The following STPG2 variants were observed in gnomAD, a reference collection of about 807,000 sequenced individuals.
STPG2 encodes sperm tail PG-rich repeat containing 2.
A neutral mutation model predicts 54.2 loss-of-function variants in STPG2; 56 were observed. That is an observed-to-expected ratio of 1.03 (90% CI 0.83 to 1.29). The LOEUF (loss-of-function observed/expected upper bound fraction) is 1.29. Among genes scored for constraint, STPG2 ranks in the 50% most tolerant of loss-of-function variants. STPG2 has a pLI of 0.00. For synonymous variants in STPG2, 200 were observed against 181.8 expected (o/e 1.10, Z -0.81); for missense variants, 596 against 544.9 (o/e 1.09, Z -0.93).
At chr4:97,898,611 T>G (rs958017149) in intron 8 of STPG2, among the ~76,000 whole-genome samples, 2 of 151,760 alleles carry the variant, frequency 1.3e-5, no homozygotes, top group African/African-American at 4.8e-5. Context: ...GTAACCATCA[T>G]CTAGCCCTTG....
At chr4:97,994,007 T>G (rs1735112497) in intron 5 of STPG2, among the ~76,000 whole-genome samples, 1 of 152,210 alleles carries the variant, frequency 6.6e-6, no homozygotes, top group African/African-American at 2.4e-5. Context: ...TAATGATCTA[T>G]TAATTTTATT....
intron 4 of STPG2, among the ~76,000 whole-genome samples, chr4:97,522,615 G>A (rs138358938): frequency 2.0e-4 from 30 of 151,980 alleles, no homozygotes; most frequent in Non-Finnish European, 4.1e-4. Flanking sequence ...AATTTTACTA[G>A]GTTAATCTGA....
chr4:97,522,072 A>G (rs1311991843), intron 4 of STPG2, among the ~76,000 whole-genome samples: 1 of 119,280 alleles, frequency 8.4e-6, no homozygotes, highest in Non-Finnish European at 1.9e-5. Context: ...CTATAATCCA[A>G]ATATACAATT....
chr4:97,896,885 T>C (rs925815881), intron 8 of STPG2, among the ~76,000 whole-genome samples: 3 of 151,840 alleles, frequency 2.0e-5, no homozygotes, highest in Non-Finnish European at 4.4e-5. Flanking sequence ...TATAAACTTA[T>C]CTTTTTCCTT....
At chr4:97,884,311 C>T (rs1188146475) in intron 8 of STPG2, among the ~76,000 whole-genome samples, 2 of 152,074 alleles carry the variant, frequency 1.3e-5, no homozygotes, top group Non-Finnish European at 2.9e-5. Flanking sequence ...ACCCTCAGTA[C>T]CTCAAAATGT....
intron 9 of STPG2, among the ~76,000 whole-genome samples, chr4:97,745,510 C>T (rs536287888): frequency 6.6e-6 from 1 of 150,920 alleles, no homozygotes; most frequent in Non-Finnish European, 1.5e-5. Flanking sequence ...TTAAACTATG[C>T]TATAATTATG....
At chr4:98,001,122 G>A (rs372127533) in intron 5 of STPG2, among the ~76,000 whole-genome samples, 1 of 152,178 alleles carries the variant, frequency 6.6e-6, no homozygotes, top group East Asian at 1.9e-4. Context: ...ATTCAGCTGA[G>A]TCAAAAATTT....
chr4:97,809,693 C>T (rs1208765058), intron 9 of STPG2, among the ~76,000 whole-genome samples: 1 of 152,128 alleles, frequency 6.6e-6, no homozygotes, highest in Admixed American at 6.6e-5. Context: ...GAACTTAATT[C>T]GGCCAACAAT....
At chr4:97,773,341 A>G (rs1726275241) in intron 9 of STPG2, among the ~76,000 whole-genome samples, 1 of 152,090 alleles carries the variant, frequency 6.6e-6, no homozygotes, top group African/African-American at 2.4e-5. Flanking sequence ...ATTTTTACAG[A>G]CAGGGTCTTA....
At chr4:97,754,153 G>T (rs1240142149) in intron 9 of STPG2, among the ~76,000 whole-genome samples, 2 of 152,024 alleles carry the variant, frequency 1.3e-5, no homozygotes, top group Non-Finnish European at 2.9e-5. Context: ...CTGAGCTCTT[G>T]CACTAGGTTC....
intron 4 of STPG2, among the ~76,000 whole-genome samples, chr4:97,466,150 T>C (rs1729783815): frequency 6.6e-6 from 1 of 152,110 alleles, no homozygotes; most frequent in South Asian, 2.1e-4. Flanking sequence ...CTATGATTTA[T>C]GCAAGCCCAC....
At chr4:98,102,290 G>A (rs1025204) in intron 5 of STPG2, among the ~76,000 whole-genome samples, 60,065 of 151,964 alleles carry the variant, frequency 0.4, 12,123 homozygotes, top group Middle Eastern at 0.46. Context: ...ACTGTGGCCT[G>A]TAACCCACAT....
chr4:98,075,901 C>A (rs1738150779), intron 5 of STPG2, among the ~76,000 whole-genome samples: 1 of 152,086 alleles, frequency 6.6e-6, no homozygotes, highest in Admixed American at 6.6e-5. Context: ...CTTGAGGGCA[C>A]CTTTAAAATC....
intron 10 of STPG2, among the ~76,000 whole-genome samples, chr4:97,694,209 A>G (rs1317909754): frequency 6.6e-6 from 1 of 152,074 alleles, no homozygotes; most frequent in East Asian, 1.9e-4. Flanking sequence ...AACAAAAAAC[A>G]AAAGATAAAT....
intron 10 of STPG2, among the ~76,000 whole-genome samples, chr4:97,625,347 G>A (rs1734112037): frequency 6.6e-6 from 1 of 152,286 alleles, no homozygotes; most frequent in African/African-American, 2.4e-5. Flanking sequence ...ATCTCTCTCT[G>A]TTGCCCAGGC....
chr4:97,737,325 C>T (rs1442667931), intron 9 of STPG2, among the ~76,000 whole-genome samples: 1 of 152,210 alleles, frequency 6.6e-6, no homozygotes, highest in Non-Finnish European at 1.5e-5. Context: ...CAAAGGAACA[C>T]AGTTCCTCAC....
chr4:97,775,642 T>C (rs560288328), intron 9 of STPG2, among the ~76,000 whole-genome samples: 2 of 152,270 alleles, frequency 1.3e-5, no homozygotes, highest in African/African-American at 2.4e-5. Flanking sequence ...CAGAATAAAT[T>C]GGCCTCAATA....
At chr4:97,641,086 C>T (rs1450944004) in intron 10 of STPG2, among the ~76,000 whole-genome samples, 1 of 151,604 alleles carries the variant, frequency 6.6e-6, no homozygotes, top group Non-Finnish European at 1.5e-5. Context: ...AGGCAAAGCT[C>T]TCACCCTTTC....
At chr4:97,578,604 T>A (rs1463297141) in intron 10 of STPG2, among the ~76,000 whole-genome samples, 2 of 152,088 alleles carry the variant, frequency 1.3e-5, no homozygotes, top group Admixed American at 1.3e-4. Flanking sequence ...ACACTTTTTT[T>A]TTTTTTTTGC....
Sources: gnomAD v4.1 joint callset for allele counts (sites outside exome capture counted in the v4.1 genomes callset) on GRCh38, gnomAD v4.1.1 for gene constraint, MANE v1.5 for transcripts, NCBI Gene and HGNC (gene_info 2026-07-23, HGNC 2026-07-21) for gene names.